TTC6: variants seen among roughly 807,000 people sequenced by gnomAD.
The protein encoded by TTC6 is tetratricopeptide repeat domain 6, also known as tetratricopeptide repeat protein 6.
Under a neutral mutation model 210.4 loss-of-function variants are expected in TTC6, and 172 were observed. That is an observed-to-expected ratio of 0.82 (90% confidence interval 0.72 to 0.93). TTC6 has a LOEUF of 0.93. Among genes scored for constraint, TTC6 ranks in the 40% least tolerant of loss-of-function variants. TTC6 has a pLI of 0.00. For missense variants in TTC6, 2,414 were observed against 2,318.1 expected (o/e 1.04, Z -0.85); for synonymous variants, 804 against 819.6 (o/e 0.98, Z 0.32).
intron 1 of TTC6, among the ~76,000 whole-genome samples, chr14:37,663,251 G>T (rs933235709): frequency 6.6e-6 from 1 of 152,060 alleles, no homozygotes; most frequent in South Asian, 2.1e-4. Flanking sequence ...TGCGTTGATT[G>T]TGTATCCTGA....
chr14:37,765,528 A>G (rs1016569552), intron 14 of TTC6, among the ~76,000 whole-genome samples: 4 of 152,114 alleles, frequency 2.6e-5, no homozygotes, highest in Non-Finnish European at 4.4e-5. Context: ...TAGACTTATT[A>G]GTGTTTTATG....
At chr14:37,738,256 G>T (rs1294297863) in intron 9 of TTC6, among the ~76,000 whole-genome samples, 1 of 151,084 alleles carries the variant, frequency 6.6e-6, no homozygotes, top group Non-Finnish European at 1.5e-5. Context: ...TACTGTAATA[G>T]GTTGGGATTC....
At chr14:37,722,663 G>A (rs183127747) in intron 6 of TTC6, among the ~76,000 whole-genome samples, 6 of 152,142 alleles carry the variant, frequency 3.9e-5, no homozygotes, top group Non-Finnish European at 7.4e-5. Flanking sequence ...GATTTGATTC[G>A]ATTATGTGAT....
intron 20 of TTC6, among the ~76,000 whole-genome samples, chr14:37,797,689 CA>C (rs1293047230): frequency 1.1e-4 from 16 of 151,968 alleles, no homozygotes; most frequent in Middle Eastern, 6.8e-3. Flanking sequence ...AATTTGTCAT[CA>C]GGGCGTCTTA....
intron 1 of TTC6, among the ~76,000 whole-genome samples, chr14:37,670,929 A>C (rs1428744726): frequency 6.6e-6 from 1 of 152,216 alleles, no homozygotes; most frequent in African/African-American, 2.4e-5. Context: ...ATGCCATGAA[A>C]TATCTGAAGA....
chr14:37,601,205 C>A (rs1422345068), intron 1 of TTC6, among the ~76,000 whole-genome samples: 1 of 152,216 alleles, frequency 6.6e-6, no homozygotes, highest in East Asian at 1.9e-4. Flanking sequence ...ACAACTGAGC[C>A]CTGCCCTCCT....
chr14:37,835,665 G>A (rs1025636873), intron 29 of TTC6, among the ~76,000 whole-genome samples: 1 of 152,138 alleles, frequency 6.6e-6, no homozygotes, highest in Admixed American at 6.6e-5. Flanking sequence ...AAGAAAGAAA[G>A]ACAAGATGGC....
chr14:37,832,818 G>A (rs1460673496), intron 29 of TTC6, among the ~76,000 whole-genome samples: 2 of 152,054 alleles, frequency 1.3e-5, no homozygotes, highest in East Asian at 3.9e-4. Flanking sequence ...CCAGCACTTT[G>A]GGAGGCCAAG....
chr14:37,700,745 T>A (rs2095823529), intron 4 of TTC6, among the ~76,000 whole-genome samples: 4 of 61,512 alleles, frequency 6.5e-5, no homozygotes, highest in South Asian at 8.1e-4. Context: ...TGAGACTCCA[T>A]CTCACAAAAA....
chr14:37,702,685 T>A (rs1694797463), intron 5 of TTC6, among the ~76,000 whole-genome samples: 1 of 152,204 alleles, frequency 6.6e-6, no homozygotes, highest in Admixed American at 6.5e-5. Flanking sequence ...TTCTAAAAGA[T>A]CACTTTTAAT....
At chr14:37,658,318 A>G (rs1362360993) in intron 1 of TTC6, among the ~76,000 whole-genome samples, 6 of 152,216 alleles carry the variant, frequency 3.9e-5, no homozygotes, top group Non-Finnish European at 8.8e-5. Flanking sequence ...ACTTATTTAC[A>G]TTACACTGTG....
At chr14:37,771,115 A>T (rs1461841781) in intron 14 of TTC6, among the ~76,000 whole-genome samples, 2 of 151,374 alleles carry the variant, frequency 1.3e-5, no homozygotes, top group African/African-American at 4.9e-5. Flanking sequence ...TTTCTTTAAG[A>T]ATGTTGAATA....
chr14:37,660,081 G>A (rs1360778019), intron 1 of TTC6, among the ~76,000 whole-genome samples: 1 of 152,006 alleles, frequency 6.6e-6, no homozygotes, highest in Admixed American at 6.6e-5. Flanking sequence ...AATTTCCTTT[G>A]CTGTGTAGAA....
chr14:37,739,144 A>C (rs1296658616), exon 10 of TTC6: 1 of 1,502,736 alleles, frequency 6.7e-7, no homozygotes, highest in Non-Finnish European at 8.8e-7. Context: ...AGCCTCCAAA[A>C]TCTCTTGAAA....
At chr14:37,718,238 C>G (rs778244959) in intron 6 of TTC6, among the ~76,000 whole-genome samples, 1 of 152,094 alleles carries the variant, frequency 6.6e-6, no homozygotes, top group Non-Finnish European at 1.5e-5. Flanking sequence ...GGGAATTATT[C>G]CAGAGATTTG....
chr14:37,679,036 T>C (rs2095776827), intron 1 of TTC6, among the ~76,000 whole-genome samples: 1 of 152,024 alleles, frequency 6.6e-6, no homozygotes. Flanking sequence ...GCCTGGGCAA[T>C]GTAGAGATAC....
Position 37,622,556 on chromosome 14 carries a change from C to T in TTC6, c.492C>T (p.Arg164=), listed in dbSNP as rs539560498. The change falls in exon 1 of 31, where the codon CGC becomes CGT. Residue 164 remains arginine, a synonymous_variant. Coordinates refer to ENST00000553443, the Ensembl canonical transcript of TTC6. ...AGCCACCCGTGAAGCGCAGAGCGCG[C>T]GGGGTCTTGGAGAGCTCGCGGCACG... 5.2e-4 allele frequency: 792 copies of T among 1,534,894 alleles called. 8 individuals carry two copies. In the African/African-American group the frequency reaches 9.6e-3, roughly 19 times the overall value.
chr14:37,775,683 C>T (rs1176323328), intron 14 of TTC6, among the ~76,000 whole-genome samples: 1 of 152,106 alleles, frequency 6.6e-6, no homozygotes, highest in Admixed American at 6.5e-5. Context: ...TGTTAGTTTT[C>T]TGCCTCAATG....
intron 14 of TTC6, among the ~76,000 whole-genome samples, chr14:37,786,490 G>C (rs1351943106): frequency 6.6e-6 from 1 of 152,214 alleles, no homozygotes; most frequent in Admixed American, 6.5e-5. Context: ...CAGTATTAGG[G>C]TTGGAGTGAG....
Sources: allele counts gnomAD v4.1 joint callset (sites outside exome capture counted in the v4.1 genomes callset), GRCh38; gene constraint gnomAD v4.1.1; transcripts MANE v1.5; gene names NCBI Gene and HGNC (gene_info 2026-07-23, HGNC 2026-07-21).